C9: variants seen among roughly 807,000 people sequenced by gnomAD.
The protein encoded by C9 is complement C9, also known as complement component C9.
In C9, 63 loss-of-function variants were observed where a neutral mutation model predicts 65.4. The ratio of observed to expected loss-of-function variants is 0.96; its 90% CI spans 0.79 to 1.19. The LOEUF (loss-of-function observed/expected upper bound fraction) is 1.19. Ranked by LOEUF, C9 falls within the 50% of genes most tolerant of loss-of-function variation. The probability of loss-of-function intolerance (pLI) is 0.00; values close to 1 mark genes in which losing one functional copy is unlikely to be tolerated. For missense variants in C9, 744 were observed against 670.1 expected (o/e 1.11, Z -1.22); for synonymous variants, 229 against 227.9 (o/e 1.00, Z -0.04).
At position 39,311,142 on chromosome 5, in the gene C9, C is replaced by T. The variant is rs769441512; in HGVS notation, c.1106G>A (p.Arg369Gln). Residue 369 changes from arginine (R) to glutamine (Q), a missense_variant, in exon 7 of 11, where the codon CGG becomes CAG. Coordinates refer to ENST00000263408, the MANE Select transcript of C9 (RefSeq NM_001737.5). Reference protein sequence around the residue: ...IYVLDKASMKRKGVELKDIKR... With the variant: ...IYVLDKASMKQKGVELKDIKR... ...AGCTCTATTTCTAGGCATACCTTTC[C>T]GCTTCATGGAAGCTTTATCCAAAAC... The T allele has an allele frequency of 2.4e-5, 39 of 1,613,232 alleles. No homozygotes were observed. Among genetic ancestry groups the T allele is most frequent in the South Asian group, 1.5e-4 (14 of 91,078 alleles).
chr5:39,362,479 G>C (rs835703), intron 1 of C9, among the ~76,000 whole-genome samples: 51,107 of 151,988 alleles, frequency 0.34, 9,496 homozygotes, highest in Middle Eastern at 0.49. Context: ...GAGGGAGCAC[G>C]GCCCTGCCAA....
intron 1 of C9, among the ~76,000 whole-genome samples, chr5:39,358,596 C>T (rs1440202350): frequency 2.0e-5 from 3 of 151,902 alleles, no homozygotes; most frequent in Non-Finnish European, 4.4e-5. Context: ...GGGGAGTGGA[C>T]AAAAATGGAG....
chr5:39,334,069 G>A (rs1446984656), intron 4 of C9, among the ~76,000 whole-genome samples: 2 of 151,360 alleles, frequency 1.3e-5, no homozygotes, highest in East Asian at 2.0e-4. Flanking sequence ...CTGCCTGGCC[G>A]CCCATCGTCT....
At chr5:39,332,835 G>C (rs1433842183) in intron 4 of C9, among the ~76,000 whole-genome samples, 3 of 152,216 alleles carry the variant, frequency 2.0e-5, no homozygotes, top group African/African-American at 7.2e-5. Flanking sequence ...AGAAATAATT[G>C]AAAGGGTTTC....
chr5:39,340,762 G>A (rs1754061575), intron 4 of C9, among the ~76,000 whole-genome samples: 1 of 152,136 alleles, frequency 6.6e-6, no homozygotes. Flanking sequence ...TCCCAGCAAT[G>A]CAAATATTTG....
intron 4 of C9, among the ~76,000 whole-genome samples, chr5:39,333,419 G>C (rs992589518): frequency 3.9e-5 from 6 of 152,116 alleles, no homozygotes; most frequent in Non-Finnish European, 5.9e-5. Flanking sequence ...CCTTGAAAAG[G>C]GCTTCTAATG....
At chr5:39,334,655 C>A (rs1753925121) in intron 4 of C9, among the ~76,000 whole-genome samples, 1 of 150,898 alleles carries the variant, frequency 6.6e-6, no homozygotes, top group African/African-American at 2.5e-5. Context: ...AAGTGAGGAG[C>A]CCCTCTGCCC....
At chr5:39,294,472 G>A (rs1579839582) in intron 9 of C9, among the ~76,000 whole-genome samples, 1 of 151,744 alleles carries the variant, frequency 6.6e-6, no homozygotes, top group African/African-American at 2.4e-5. Flanking sequence ...AGAGAAAATG[G>A]ATAAATTTCT....
intron 1 of C9, among the ~76,000 whole-genome samples, chr5:39,346,626 A>G (rs1754199694): frequency 1.3e-5 from 2 of 152,244 alleles, no homozygotes; most frequent in Admixed American, 6.5e-5. Flanking sequence ...TTCTGAAACT[A>G]TTCCAATCAA....
chr5:39,312,832 T>A (rs527716882), intron 6 of C9, among the ~76,000 whole-genome samples: 4 of 152,352 alleles, frequency 2.6e-5, no homozygotes, highest in African/African-American at 9.6e-5. Context: ...TACCAAACTG[T>A]CTGTCTTCTT....
At position 39,320,215 on chromosome 5, in the gene C9, C is replaced by T. The variant is rs535927558; in HGVS notation, c.616-4186G>A. ...CTGATAATGAATTCAAAATAATCAG[C>T]TTAAAGAAGCTCAGTGAGCTACATG... On this transcript the variant is annotated intron_variant, in intron 5 of 10. Transcript: ENST00000263408. Among the ~76,000 whole-genome samples, 7 of 151,974 alleles carry T rather than the reference C, an allele frequency of 4.6e-5. No homozygotes were observed. The East Asian group carries it at 1.2e-3, about 25-fold the overall frequency.
chr5:39,334,055 G>T (rs1368376260), intron 4 of C9, among the ~76,000 whole-genome samples: 1 of 151,344 alleles, frequency 6.6e-6, no homozygotes, highest in East Asian at 2.0e-4. Context: ...AGTGAGGAGC[G>T]TCTCTGCCTG....
chr5:39,305,789 A>C (rs1299569550), intron 9 of C9, among the ~76,000 whole-genome samples: 4 of 152,228 alleles, frequency 2.6e-5, no homozygotes, highest in African/African-American at 9.6e-5. Flanking sequence ...AGATAGAAAA[A>C]GGAAAAAAAT....
chr5:39,362,999 G>A (rs956815916), intron 1 of C9, among the ~76,000 whole-genome samples: 2 of 152,050 alleles, frequency 1.3e-5, no homozygotes, highest in African/African-American at 4.8e-5. Context: ...GGACCCAGGG[G>A]GTACGCACTT....
chr5:39,334,025 G>T (rs906823463), intron 4 of C9, among the ~76,000 whole-genome samples: 1 of 151,652 alleles, frequency 6.6e-6, no homozygotes, highest in African/African-American at 2.4e-5. Context: ...GCCTCTGCCC[G>T]GCCGCCACCC....
intron 10 of C9, among the ~76,000 whole-genome samples, chr5:39,285,802 G>A (rs535875204): frequency 6.6e-6 from 1 of 152,034 alleles, no homozygotes; most frequent in East Asian, 1.9e-4. Flanking sequence ...AGGAATAAGG[G>A]AGAAGGAGGT....
intron 1 of C9, among the ~76,000 whole-genome samples, chr5:39,346,783 G>T (rs1383408706): frequency 6.6e-6 from 1 of 152,180 alleles, no homozygotes; most frequent in African/African-American, 2.4e-5. Context: ...TAAAATACTG[G>T]CAAACCGAAT....
chr5:39,329,123 G>A (rs981607633), intron 5 of C9, among the ~76,000 whole-genome samples: 3 of 152,086 alleles, frequency 2.0e-5, no homozygotes, highest in African/African-American at 7.2e-5. Flanking sequence ...AACAACCAAA[G>A]AAAAGTAAGT....
At chr5:39,335,529 A>C (rs1561348236) in intron 4 of C9, among the ~76,000 whole-genome samples, 1 of 152,220 alleles carries the variant, frequency 6.6e-6, no homozygotes, top group East Asian at 1.9e-4. Context: ...TATAGCAACA[A>C]TTTATATGGC....
Sources: gnomAD v4.1 joint callset for allele counts (sites outside exome capture counted in the v4.1 genomes callset) on GRCh38, gnomAD v4.1.1 for gene constraint, MANE v1.5 for transcripts, NCBI Gene and HGNC (gene_info 2026-07-23, HGNC 2026-07-21) for gene names.